The following CACNB2 variants were observed in gnomAD, a reference collection of about 807,000 sequenced individuals.
CACNB2 encodes voltage-dependent L-type calcium channel subunit beta-2.
Under a neutral mutation model 73.3 loss-of-function variants are expected in CACNB2, and 42 were observed. That is an observed-to-expected ratio of 0.57 (90% CI 0.45 to 0.74). The LOEUF (loss-of-function observed/expected upper bound fraction) is 0.74. CACNB2 is among the 30% of genes least tolerant of loss of function. CACNB2 has a pLI of 0.00. For missense variants in CACNB2, 940 were observed against 853.0 expected, an observed-to-expected ratio of 1.10 and a Z score of -1.27; for synonymous variants, 348 against 310.3, an observed-to-expected ratio of 1.12 and a Z score of -1.28.
intron 5 of CACNB2, among the ~76,000 whole-genome samples, chr10:18,504,222 A>T (rs1168988923): frequency 6.6e-6 from 1 of 152,194 alleles, no homozygotes; most frequent in Non-Finnish European, 1.5e-5. Context: ...GTCACAGATG[A>T]GAAAACAGGT....
chr10:18,534,325 G>T (rs767721133), intron 11 of CACNB2, 98 bp downstream of exon 11: 2 of 1,036,328 alleles, frequency 1.9e-6, no homozygotes, highest in Admixed American at 3.5e-5. Context: ...TAGCCTTTAT[G>T]ATGTATAGAG....
intron 3 of CACNB2, among the ~76,000 whole-genome samples, chr10:18,442,982 A>ATG (rs1554820341): frequency 7.1e-4 from 11 of 15,446 alleles, no homozygotes; most frequent in East Asian, 4.2e-3. Context: ...GTATATATAT[A>ATG]TATGTATATA....
At chr10:18,410,684 A>G (rs897106754) in intron 3 of CACNB2, among the ~76,000 whole-genome samples, 10 of 149,904 alleles carry the variant, frequency 6.7e-5, no homozygotes, top group African/African-American at 1.7e-4. Context: ...ACTTATGGGG[A>G]AAAAAAAAAT....
At chr10:18,231,920 T>C (rs1054970630) in intron 2 of CACNB2, among the ~76,000 whole-genome samples, 9 of 152,226 alleles carry the variant, frequency 5.9e-5, no homozygotes, top group Non-Finnish European at 1.0e-4. Context: ...TTAGCAGTGA[T>C]TGTGATAAAA....
intron 2 of CACNB2, among the ~76,000 whole-genome samples, chr10:18,231,280 G>A (rs2036215851): frequency 6.6e-6 from 1 of 152,138 alleles, no homozygotes; most frequent in Admixed American, 6.5e-5. Flanking sequence ...AGGTTCAAGT[G>A]ATTCTCCTGC....
At chr10:18,464,426 A>AAAAAAAAAAAAAAAAAAAAAAAAAAC in intron 3 of CACNB2, among the ~76,000 whole-genome samples, 1 of 134,074 alleles carries the variant, frequency 7.5e-6, no homozygotes. Context: ...ATTAAAAAAA[A>AAAAAAAAAAAAAAAAAAAAAAAAAAC]AAAAAAAAAA....
chr10:18,191,092 T>C (rs2034375251), intron 2 of CACNB2, among the ~76,000 whole-genome samples: 1 of 151,846 alleles, frequency 6.6e-6, no homozygotes. Context: ...AGAGTGAAAA[T>C]GGAGGAGAAG....
intron 6 of CACNB2, chr10:18,513,413 G>T (rs113417679): frequency 5.3e-6 from 1 of 188,894 alleles, no homozygotes. Flanking sequence ...AAGAGAATCA[G>T]CTTTGATTAT....
intron 9 of CACNB2, among the ~76,000 whole-genome samples, chr10:18,524,507 T>A (rs915382055): frequency 2.0e-5 from 3 of 151,198 alleles, no homozygotes; most frequent in African/African-American, 7.3e-5. Context: ...GTACAAAAAT[T>A]AGCTGGGCAC....
intron 2 of CACNB2, among the ~76,000 whole-genome samples, chr10:18,285,391 G>C (rs544323540): frequency 1.3e-5 from 2 of 152,142 alleles, no homozygotes; most frequent in African/African-American, 2.4e-5. Flanking sequence ...TATACACAGC[G>C]GTCACATGTT....
intron 2 of CACNB2, among the ~76,000 whole-genome samples, chr10:18,338,891 A>G (rs1255875945): frequency 6.6e-6 from 1 of 151,756 alleles, no homozygotes; most frequent in African/African-American, 2.4e-5. Flanking sequence ...GGCACATGCC[A>G]CCATGCCTAG....
intron 3 of CACNB2, among the ~76,000 whole-genome samples, chr10:18,495,369 G>A (rs975848860): frequency 1.3e-5 from 2 of 151,862 alleles, no homozygotes; most frequent in African/African-American, 2.4e-5. Flanking sequence ...ACAGTCATGT[G>A]CCACCATGCC....
chr10:18,403,007 A>G (rs1315948530), intron 3 of CACNB2, among the ~76,000 whole-genome samples: 2 of 152,188 alleles, frequency 1.3e-5, no homozygotes, highest in Non-Finnish European at 2.9e-5. Flanking sequence ...GACAGCCCTT[A>G]TGTAATACAT....
At chr10:18,280,382 A>AG (rs1469200172) in intron 2 of CACNB2, among the ~76,000 whole-genome samples, 11 of 152,190 alleles carry the variant, frequency 7.2e-5, no homozygotes, top group Non-Finnish European at 1.3e-4. Flanking sequence ...TTGAGGCACA[A>AG]GGGCACTGTG....
intron 3 of CACNB2, among the ~76,000 whole-genome samples, chr10:18,449,198 C>A (rs943641553): frequency 5.3e-5 from 8 of 152,112 alleles, no homozygotes; most frequent in Admixed American, 1.3e-4. Flanking sequence ...TCCTGGCTAA[C>A]ACGGTGAAAC....
intron 2 of CACNB2, among the ~76,000 whole-genome samples, chr10:18,293,691 G>A (rs1031053226): frequency 1.4e-4 from 22 of 152,112 alleles, no homozygotes; most frequent in Non-Finnish European, 2.9e-4. Flanking sequence ...AAAATTCCCC[G>A]GTGTATCCCA....
chr10:18,495,013 T>C (rs1249453271), intron 3 of CACNB2, among the ~76,000 whole-genome samples: 1 of 152,178 alleles, frequency 6.6e-6, no homozygotes, highest in Non-Finnish European at 1.5e-5. Flanking sequence ...GTGTGGCCCA[T>C]TTGGACAGTA....
chr10:18,244,651 G>C (rs1372190947), intron 2 of CACNB2, among the ~76,000 whole-genome samples: 1 of 152,174 alleles, frequency 6.6e-6, no homozygotes, highest in Non-Finnish European at 1.5e-5. Context: ...GGCTCCATAG[G>C]GGAGTATCCT....
intron 2 of CACNB2, among the ~76,000 whole-genome samples, chr10:18,244,465 T>C (rs139883566): frequency 5.9e-5 from 9 of 152,324 alleles, no homozygotes; most frequent in African/African-American, 7.2e-5. Flanking sequence ...CATAAAAAAA[T>C]TGATGCACAT....
Sources: gnomAD v4.1 joint callset for allele counts (sites outside exome capture counted in the v4.1 genomes callset) on GRCh38, gnomAD v4.1.1 for gene constraint, MANE v1.5 for transcripts, NCBI Gene and HGNC (gene_info 2026-07-23, HGNC 2026-07-21) for gene names.